Variants in GALNTL6 observed in about 807,000 individuals in gnomAD.
GALNTL6 encodes the protein polypeptide N-acetylgalactosaminyltransferase-like 6.
GALNTL6 carries 46 observed loss-of-function variants against 73.7 expected under a neutral mutation model. The observed-to-expected ratio is 0.62, with a 90% confidence interval of 0.49 to 0.80. The LOEUF (loss-of-function observed/expected upper bound fraction) is 0.80, where lower values mean the gene tolerates loss of function less well. GALNTL6 is among the 30% of genes least tolerant of loss of function. GALNTL6 has a pLI of 0.00. For missense variants in GALNTL6, 604 were observed against 755.0 expected, an observed-to-expected ratio of 0.80 and a Z score of 2.34; for synonymous variants, 259 against 263.7, an observed-to-expected ratio of 0.98 and a Z score of 0.17.
intron 2 of GALNTL6, among the ~76,000 whole-genome samples, chr4:172,226,607 G>GTGTT (rs1333241223): frequency 6.7e-6 from 1 of 150,222 alleles, no homozygotes; most frequent in Non-Finnish European, 1.5e-5. Flanking sequence ...GTGTGTTTCT[G>GTGTT]TGTGTGTGTG....
intron 5 of GALNTL6, among the ~76,000 whole-genome samples, chr4:172,500,649 C>A (rs1313302631): frequency 6.6e-6 from 1 of 151,544 alleles, no homozygotes; most frequent in Non-Finnish European, 1.5e-5. Context: ...TCAAGCAAAT[C>A]TACCATTACA....
intron 5 of GALNTL6, among the ~76,000 whole-genome samples, chr4:172,397,832 C>G (rs960588653): frequency 6.6e-6 from 1 of 152,084 alleles, no homozygotes; most frequent in South Asian, 2.1e-4. Context: ...CCACCTTGGC[C>G]TCCAAAAGTG....
intron 5 of GALNTL6, among the ~76,000 whole-genome samples, chr4:172,450,740 C>T (rs914515391): frequency 6.6e-6 from 1 of 152,202 alleles, no homozygotes; most frequent in Non-Finnish European, 1.5e-5. Flanking sequence ...CTAATACGTG[C>T]ATCAGAGATT....
rs186526409 is a variant in GALNTL6 at position 172,917,324 on chromosome 4, G to A, written c.1042-13837G>A. ...AAGAAAACCTAGGAAATACCATTCA[G>A]GACATAGGCATGGGCAAGGACTTCA... On this transcript the variant is annotated intron_variant, in intron 8 of 12. Coordinates refer to ENST00000506823, the MANE Select transcript of GALNTL6 (RefSeq NM_001034845.3). Among the ~76,000 whole-genome samples, 898 of 152,286 alleles carry A rather than the reference G, an allele frequency of 5.9e-3. 8 individuals are homozygous for A. Among genetic ancestry groups the A allele is most frequent in the African/African-American group, 0.021 (857 of 41,552 alleles).
At chr4:172,421,251 C>T (rs989691412) in intron 5 of GALNTL6, among the ~76,000 whole-genome samples, 14 of 152,170 alleles carry the variant, frequency 9.2e-5, no homozygotes, top group Admixed American at 2.6e-4. Context: ...AATACATTTG[C>T]CTCTAAATTT....
rs1293669552 is a variant in GALNTL6 at position 172,507,337 on chromosome 4, T to C, written c.553+158648T>C. 1.1e-4 allele frequency among the ~76,000 whole-genome samples: 6 copies of C among 54,798 alleles called. 3 individuals carry two copies. Among genetic ancestry groups the C allele is most frequent in the Non-Finnish European group, 2.5e-4 (6 of 23,832 alleles). 35.9% of individuals were successfully genotyped at this position (54,798 alleles called of 152,430 possible). A position where few individuals can be genotyped will look rare whatever the true frequency, so the allele number is the denominator to read the frequency against. On this transcript the variant is annotated intron_variant, in intron 5 of 12. Transcript: ENST00000506823. ...TAGGTTCTGGTTTCTGTGACCAGCA[T>C]TGGGGAAAGGGATTCTAATTTCTAT...
chr4:172,046,302 A>G (rs1742220878), intron 2 of GALNTL6, among the ~76,000 whole-genome samples: 1 of 152,024 alleles, frequency 6.6e-6, no homozygotes, highest in Non-Finnish European at 1.5e-5. Context: ...GGTAATTCAA[A>G]TTTTAGTTTA....
chr4:172,454,112 C>G (rs1288869317), intron 5 of GALNTL6, among the ~76,000 whole-genome samples: 1 of 152,044 alleles, frequency 6.6e-6, no homozygotes, highest in Non-Finnish European at 1.5e-5. Context: ...AAATTTTATT[C>G]AAAGCCCAAT....
At chr4:172,755,845 T>G (rs1437072524) in intron 5 of GALNTL6, among the ~76,000 whole-genome samples, 2 of 152,222 alleles carry the variant, frequency 1.3e-5, no homozygotes, top group Non-Finnish European at 2.9e-5. Context: ...TCCTGTGCCT[T>G]GAATTCACCA....
intron 5 of GALNTL6, among the ~76,000 whole-genome samples, chr4:172,404,086 C>T (rs1744131087): frequency 6.6e-6 from 1 of 151,236 alleles, no homozygotes; most frequent in Non-Finnish European, 1.5e-5. Context: ...ATTTCTCTTT[C>T]TCTCTCTCTC....
chr4:172,433,268 G>A (rs978262285), intron 5 of GALNTL6, among the ~76,000 whole-genome samples: 5 of 152,064 alleles, frequency 3.3e-5, no homozygotes, highest in African/African-American at 9.7e-5. Context: ...TTAAGCATGA[G>A]CATTTTTTTA....
At chr4:172,219,199 G>GTATATATATATATA (rs34783084) in intron 2 of GALNTL6, among the ~76,000 whole-genome samples, 3,466 of 115,862 alleles carry the variant, frequency 0.03, 96 homozygotes, top group Non-Finnish European at 0.041. Context: ...TTAAGCAAGT[G>GTATATATATATATA]TATATATATA....
At chr4:172,681,014 G>A (rs1014284526) in intron 5 of GALNTL6, among the ~76,000 whole-genome samples, 1 of 152,120 alleles carries the variant, frequency 6.6e-6, no homozygotes, top group African/African-American at 2.4e-5. Context: ...TTACTGACAG[G>A]AACTTTAGCC....
At chr4:172,527,547 T>C (rs893254221) in intron 5 of GALNTL6, among the ~76,000 whole-genome samples, 1 of 152,196 alleles carries the variant, frequency 6.6e-6, no homozygotes, top group Non-Finnish European at 1.5e-5. Context: ...CCCTTCTTCC[T>C]TTCCATAGGA....
chr4:172,892,471 G>T (rs1054724278), intron 8 of GALNTL6, among the ~76,000 whole-genome samples: 2 of 152,112 alleles, frequency 1.3e-5, no homozygotes, highest in Non-Finnish European at 2.9e-5. Flanking sequence ...GGGTGTTGAA[G>T]AAATTTTTTC....
At chr4:172,564,638 A>G (rs561769954) in intron 5 of GALNTL6, among the ~76,000 whole-genome samples, 3 of 152,358 alleles carry the variant, frequency 2.0e-5, no homozygotes, top group Admixed American at 6.5e-5. Flanking sequence ...TGGCAAACAT[A>G]AAGAGAAACC....
At chr4:172,911,785 G>A (rs1747217690) in intron 8 of GALNTL6, among the ~76,000 whole-genome samples, 1 of 152,188 alleles carries the variant, frequency 6.6e-6, no homozygotes, top group Non-Finnish European at 1.5e-5. Context: ...TATAAGCCTA[G>A]GGGCAATTAT....
At chr4:172,216,324 GT>G (rs1267858513) in intron 2 of GALNTL6, among the ~76,000 whole-genome samples, 1 of 150,462 alleles carries the variant, frequency 6.6e-6, no homozygotes, top group Non-Finnish European at 1.5e-5. Context: ...TATTAACAGT[GT>G]TTTTGTTTTT....
chr4:172,952,179 A>C lies in GALNTL6; in HGVS notation c.1292A>C (p.Lys431Thr), dbSNP rs138303336. The stretch of plus-strand genomic sequence containing the variant: ...AAGCAGCTCAAGTGCAAGGACTTCA[A>C]ATGGTTCATGGCTGCTGTGGCCTGG... ...LRKQLKCKDFKWFMAAVAWDV... is the reference protein window; with the variant it reads ...LRKQLKCKDFTWFMAAVAWDV... Residue 431 changes from lysine (K) to threonine (T), a missense_variant, in exon 10 of 13, where the codon AAA (lysine) becomes ACA (threonine). Lys to Thr is a moderately conservative substitution (Grantham distance 78). Around this residue, in one of 5 missense-constraint regions of GALNTL6, gnomAD observed 261 missense variants for 296.5 expected, o/e 0.88. Transcript: ENST00000506823. The C allele has an allele frequency of 8.7e-6, 14 of 1,613,960 alleles. No homozygotes were observed. The highest frequency in any genetic ancestry group is 1.3e-5 in the African/African-American group (1 of 74,894).
Sources: gnomAD v4.1 joint callset for allele counts (sites outside exome capture counted in the v4.1 genomes callset) on GRCh38, gnomAD v4.1.1 for gene constraint, gnomAD v4.1.1 regional missense constraint, MANE v1.5 for transcripts, NCBI Gene and HGNC (gene_info 2026-07-23, HGNC 2026-07-21) for gene names.